NKD1: variants seen among roughly 807,000 people sequenced by gnomAD.
NKD1 encodes the protein NKD inhibitor of Wnt signaling pathway 1, also known as protein naked cuticle homolog 1.
NKD1 carries 21 observed loss-of-function variants against 56.0 expected under a neutral mutation model. The observed-to-expected ratio is 0.38, with a 90% CI of 0.27 to 0.54. The LOEUF (loss-of-function observed/expected upper bound fraction) is 0.54. Among genes scored for constraint, NKD1 ranks in the 20% least tolerant of loss-of-function variants. The probability of loss-of-function intolerance (pLI) is 0.82; values close to 1 mark genes in which losing one functional copy is unlikely to be tolerated. For synonymous variants in NKD1, 263 were observed against 265.7 expected (o/e 0.99, Z 0.10); for missense variants, 578 against 642.7 (o/e 0.90, Z 1.09).
chr16:50,630,148 T>C, intron 6 of NKD1, 38 bp from the exon 7 acceptor site: 1 of 1,605,348 alleles, frequency 6.2e-7, no homozygotes, highest in African/African-American at 1.3e-5. Flanking sequence ...GCCCTGTGAC[T>C]GAAACCCTGC....
rs1224142910 is a variant in NKD1 at position 50,630,236 on chromosome 16, C to T, written c.513C>T (p.Val171=). 4 of 1,614,020 alleles carry T rather than the reference C, an allele frequency of 2.5e-6. No individual in the cohort carries two copies. The African/African-American group carries it at 4.0e-5, about 16-fold the overall frequency. ...TCTATGAGGTGGTGGACTCCTCTGT[C>T]AACCACTCCCCAACATCCAGCAAGA... ...HTIYEVVDSS[V]NHSPTSSKML... Residue 171 remains valine (V), a synonymous_variant, in exon 7 of 10, where the codon GTC becomes GTT. Transcript: ENST00000268459.
At chr16:50,627,482 G>A (rs1159374913) in intron 6 of NKD1, among the ~76,000 whole-genome samples, 3 of 152,318 alleles carry the variant, frequency 2.0e-5, no homozygotes, top group Admixed American at 2.0e-4. Context: ...TCCCACCGAG[G>A]AGCCAGGGAG....
intron 3 of NKD1, among the ~76,000 whole-genome samples, chr16:50,550,400 AG>A (rs1386316641): frequency 6.7e-6 from 1 of 150,118 alleles, no homozygotes; most frequent in Non-Finnish European, 1.5e-5. Flanking sequence ...ACTGAGTCTC[AG>A]GTCTGGTTAG....
chr16:50,549,498 C>T lies in NKD1; in HGVS notation c.135C>T (p.Gly45=), dbSNP rs1230424832. The part of the protein sequence containing the change: ...EEWIGRQRCP[G]GVSGPRQLRL... ...GGATCGGGAGACAGCGCTGCCCGGGCGGTGTCTCGGGACCCCGACAGCTGC... is the reference window on the plus strand; with the variant it reads ...GGATCGGGAGACAGCGCTGCCCGGGTGGTGTCTCGGGACCCCGACAGCTGC... The change falls in exon 3 of 10, where the codon GGC becomes GGT. Residue 45 remains glycine, a synonymous_variant. Coordinates refer to ENST00000268459, the MANE Select transcript of NKD1 (RefSeq NM_033119.5). 4 of 1,608,748 alleles carry T rather than the reference C, an allele frequency of 2.5e-6. No homozygotes were observed. The highest frequency in any genetic ancestry group is 3.4e-6 in the Non-Finnish European group (4 of 1,177,690).
intron 3 of NKD1, chr16:50,570,829 C>T: frequency 4.1e-6 from 4 of 985,394 alleles, no homozygotes; most frequent in Non-Finnish European, 4.8e-6. Context: ...AAATGTGTTG[C>T]CAGGAGTGCG....
At chr16:50,625,252 C>T (rs1185941626) in intron 5 of NKD1, 2 of 566,100 alleles carry the variant, frequency 3.5e-6, no homozygotes, top group Non-Finnish European at 6.3e-6. Context: ...ACCCACAGAC[C>T]ACCAGGCACC....
At chr16:50,581,156 G>A (rs1404171412) in intron 3 of NKD1, among the ~76,000 whole-genome samples, 4 of 152,144 alleles carry the variant, frequency 2.6e-5, no homozygotes, top group African/African-American at 9.7e-5. Context: ...GCCCTGTACT[G>A]ATGTATTGCT....
chr16:50,548,535 C>A lies in NKD1; in HGVS notation c.-19C>A. The A allele has an allele frequency of 6.8e-7, 1 of 1,463,484 alleles. No homozygotes were observed. 90.7% of individuals were successfully genotyped at this position (1,463,484 alleles called of 1,614,324 possible). ...CGGGCGCATGGCTTAGGGACGCTCC[C>A]GGCCGCCGCAGCCCCAGCATGGGGA... On this transcript the variant is annotated 5_prime_UTR_variant, in exon 1 of 10. Coordinates refer to ENST00000268459, the MANE Select transcript of NKD1 (RefSeq NM_033119.5).
chr16:50,579,593 T>C (rs1371182974), intron 3 of NKD1, among the ~76,000 whole-genome samples: 1 of 129,306 alleles, frequency 7.7e-6, no homozygotes, highest in Non-Finnish European at 1.6e-5. Flanking sequence ...TCCTGCGGGC[T>C]ACCCGCTACA....
intron 3 of NKD1, among the ~76,000 whole-genome samples, chr16:50,562,775 C>T (rs909310767): frequency 5.3e-5 from 8 of 152,092 alleles, no homozygotes; most frequent in Non-Finnish European, 8.8e-5. Flanking sequence ...GAGGAGGGCA[C>T]TCCCCATTTG....
intron 3 of NKD1, among the ~76,000 whole-genome samples, chr16:50,579,731 C>T (rs1961074398): frequency 6.6e-6 from 1 of 151,212 alleles, no homozygotes. Context: ...GCACTCTAAC[C>T]CGCCACGCAT....
At position 50,633,304 on chromosome 16, in the gene NKD1, C is replaced by A. The variant is rs1474492019; in HGVS notation, c.936C>A (p.Gly312=). The change falls in exon 10 of 10, where the codon GGC becomes GGA. Residue 312 remains glycine, a synonymous_variant. Transcript: ENST00000268459. The surrounding 1 kb of genome is among the most constrained non-coding windows in gnomAD (Gnocchi z 4.9). The part of the protein sequence containing the change: ...AIHIPHRKPQ[G]VDPASFHFLD... ...ACATCCCACACCGAAAGCCCCAAGG[C>A]GTGGACCCGGCCTCCTTCCACTTCC... 6.2e-7 allele frequency: 1 copy of A among 1,614,034 alleles called. No homozygotes were observed. Among genetic ancestry groups the A allele is most frequent in the African/African-American group, 1.3e-5 (1 of 74,942 alleles).
Position 50,623,916 on chromosome 16 carries a change from A to T in NKD1, c.367-1569A>T, listed in dbSNP as rs1962151899. Among the ~76,000 whole-genome samples, 1 of 152,064 alleles carries T rather than the reference A, an allele frequency of 6.6e-6. No individual in the cohort carries two copies. Among genetic ancestry groups the T allele is most frequent in the African/African-American group, 2.4e-5 (1 of 41,380 alleles). On this transcript the variant is annotated intron_variant, in intron 5 of 9. Transcript: ENST00000268459. This position sits in a 1 kb window ranked among gnomAD's most constrained non-coding sequence, Gnocchi z 4.1. Reference sequence around the variant, plus strand: ...TGTCATGCCACATGAACAGTGCCTCAGAGAGCAATGAGGGCCCTTGGCAGT... The same window carrying T: ...TGTCATGCCACATGAACAGTGCCTCTGAGAGCAATGAGGGCCCTTGGCAGT...
In NKD1 at chr16:50,647,932, C is replaced by G. The variant is rs1962710430; in HGVS notation, c.*14151C>G. On this transcript the variant is annotated 3_prime_UTR_variant, in exon 10 of 10. Transcript: ENST00000268459. ...ACCATTCAGGGTTTGGGGCAGGTGT[C>G]AACCACAAGAACATTAAACAGGCTC... 6.6e-6 allele frequency: 1 copy of G among 152,232 alleles called. No individual in the cohort carries two copies. Among genetic ancestry groups the G allele is most frequent in the Non-Finnish European group, 1.5e-5 (1 of 68,066 alleles). The allele number at this position is 152,232 out of a possible 1,614,324, so 9.4% of individuals were successfully genotyped here. A position where few individuals can be genotyped will look rare whatever the true frequency, so the allele number is the denominator to read the frequency against.
chr16:50,575,417 T>G (rs1960972762), intron 3 of NKD1: 7 of 876,716 alleles, frequency 8.0e-6, no homozygotes, highest in Middle Eastern at 1.2e-3. Flanking sequence ...AAAGAACAAA[T>G]GGGGTTGTCT....
rs796637595 is a variant in NKD1, at chr16:50,625,841, TG to T, written c.462+269del. ...GCACTGTCCCTCCCGGGAAAGAAGT[TG>T]GGGGGGGCAGGTGCAGAGCCCTAGG... is the stretch of plus-strand genomic sequence containing the variant. On this transcript the variant is annotated intron_variant, in intron 6 of 9. Transcript: ENST00000268459. Among the ~76,000 whole-genome samples the T allele has an allele frequency of 1.1e-3, 100 of 93,422 alleles. 1 individual carries two copies. Among genetic ancestry groups the T allele is most frequent in the African/African-American group, 3.0e-3 (94 of 31,070 alleles). 61.3% of individuals were successfully genotyped at this position (93,422 alleles called of 152,430 possible).
At chr16:50,586,261 C>T (rs891012134) in intron 3 of NKD1, among the ~76,000 whole-genome samples, 4 of 152,014 alleles carry the variant, frequency 2.6e-5, no homozygotes, top group Non-Finnish European at 4.4e-5. Flanking sequence ...GATACCAGCA[C>T]GTGGGATCTG....
intron 3 of NKD1, among the ~76,000 whole-genome samples, chr16:50,582,539 A>G (rs1338806514): frequency 6.6e-6 from 1 of 152,140 alleles, no homozygotes; most frequent in African/African-American, 2.4e-5. Context: ...CTGGAATGGC[A>G]CCTTGGGGCA....
chr16:50,558,222 T>G (rs1033018141), intron 3 of NKD1: 2 of 152,244 alleles, frequency 1.3e-5, no homozygotes, highest in Non-Finnish European at 2.9e-5. Context: ...ACGACTGGAT[T>G]TGGCCTGTTA....
Sources: allele counts gnomAD v4.1 joint callset (sites outside exome capture counted in the v4.1 genomes callset), GRCh38; gene constraint gnomAD v4.1.1; non-coding constraint Gnocchi (gnomAD v3.1); transcripts MANE v1.5; gene names NCBI Gene and HGNC (gene_info 2026-07-23, HGNC 2026-07-21).